Variants in MAMDC2 observed in about 807,000 individuals in gnomAD.
The protein encoded by MAMDC2 is MAM domain-containing protein 2.
MAMDC2 carries 57 observed loss-of-function variants against 89.8 expected under a neutral mutation model. The ratio of observed to expected loss-of-function variants is 0.63; its 90% CI spans 0.51 to 0.79. The LOEUF (loss-of-function observed/expected upper bound fraction) is 0.79, where lower values mean the gene tolerates loss of function less well. Among genes scored for constraint, MAMDC2 ranks in the 30% least tolerant of loss-of-function variants. MAMDC2 has a pLI of 0.00. For missense variants in MAMDC2, 800 were observed against 820.6 expected, an observed-to-expected ratio of 0.97 and a Z score of 0.31; for synonymous variants, 313 against 293.4, an observed-to-expected ratio of 1.07 and a Z score of -0.68.
intron 11 of MAMDC2, among the ~76,000 whole-genome samples, chr9:70,195,852 TAAGGA>T (rs1434689967): frequency 6.6e-6 from 1 of 152,022 alleles, no homozygotes; most frequent in African/African-American, 2.4e-5. Flanking sequence ...CTCGACTTGA[TAAGGA>T]AAGAAAAAAC....
Position 70,126,266 on chromosome 9 carries a change from T to A in MAMDC2, c.751T>A (p.Tyr251Asn), listed in dbSNP as rs2030541113. Residue 251 changes from tyrosine to asparagine, a missense_variant, in exon 6 of 14, where the codon TAC becomes AAC. Transcript: ENST00000377182. ...CATGGCTGGCTGCCTGTCATTTTAT[T>A]ACCAGATCCAGCAGGGGAATGACAA... Reference protein sequence around the residue: ...APMAGCLSFYYQIQQGNDNVF... With the variant: ...APMAGCLSFYNQIQQGNDNVF... 6.2e-7 allele frequency: 1 copy of A among 1,614,090 alleles called. No homozygotes were observed. The highest frequency in any genetic ancestry group is 8.5e-7 in the Non-Finnish European group (1 of 1,180,042).
intron 2 of MAMDC2, among the ~76,000 whole-genome samples, chr9:70,103,415 G>A (rs529232461): frequency 6.6e-6 from 1 of 152,104 alleles, no homozygotes; most frequent in Admixed American, 6.5e-5. Flanking sequence ...ATCGAATTGA[G>A]AAGTCCAGAA....
At chr9:70,210,616 G>A (rs944628287) in intron 11 of MAMDC2, among the ~76,000 whole-genome samples, 3 of 152,148 alleles carry the variant, frequency 2.0e-5, no homozygotes, top group Non-Finnish European at 4.4e-5. Context: ...TTTAATTGGA[G>A]CATTTAGCCC....
intron 12 of MAMDC2, among the ~76,000 whole-genome samples, chr9:70,221,869 A>T (rs1409160936): frequency 2.0e-5 from 3 of 152,170 alleles, no homozygotes; most frequent in Admixed American, 2.0e-4. Context: ...GTATTGTGAT[A>T]ATCATGAAAA....
intron 9 of MAMDC2, among the ~76,000 whole-genome samples, chr9:70,146,002 C>T (rs575022128): frequency 3.5e-4 from 54 of 152,274 alleles, no homozygotes; most frequent in Admixed American, 3.3e-4. Flanking sequence ...CCAGCTGAGC[C>T]AGTGTTTAGA....
chr9:70,139,007 A>G (rs1246183719), intron 7 of MAMDC2, among the ~76,000 whole-genome samples: 1 of 152,020 alleles, frequency 6.6e-6, no homozygotes, highest in East Asian at 1.9e-4. Flanking sequence ...AGTCCCATAA[A>G]ATCTCTTCCT....
chr9:70,118,091 T>C (rs1290513534), intron 5 of MAMDC2, among the ~76,000 whole-genome samples: 1 of 152,086 alleles, frequency 6.6e-6, no homozygotes. Context: ...TGAGAGTGGA[T>C]GGTTTATTTT....
At chr9:70,082,078 T>C (rs745888050) in intron 2 of MAMDC2, 1 of 152,106 alleles carries the variant, frequency 6.6e-6, no homozygotes, top group Non-Finnish European at 1.5e-5. Flanking sequence ...CTTAGGCCTG[T>C]GGGGCAGGGA....
At position 70,218,408 on chromosome 9, in the gene MAMDC2, C is replaced by T. The variant is rs749095478; in HGVS notation, c.1723C>T (p.Arg575Ter). The change falls in exon 12 of 14, where the codon CGA (arginine) becomes TGA (stop). Residue 575 changes from arginine (R) to a stop codon, truncating the protein, a stop_gained. Coordinates refer to ENST00000377182, the MANE Select transcript of MAMDC2 (RefSeq NM_153267.5). LOFTEE classifies it high-confidence loss of function. ...AGCACGCCTCTTGTCCAGGCCTCTG[C>T]GAGGAGTCTCTGGAAAACACTGCTT... ...QKARLLSRPL[R>*]GVSGKHCLTF... 9.3e-6 allele frequency: 15 copies of T among 1,614,000 alleles called. No homozygotes were observed. Among genetic ancestry groups the T allele is most frequent in the East Asian group, 2.2e-5 (1 of 44,892 alleles).
chr9:70,209,036 T>C (rs2033292256), intron 11 of MAMDC2, among the ~76,000 whole-genome samples: 1 of 152,264 alleles, frequency 6.6e-6, no homozygotes, highest in African/African-American at 2.4e-5. Context: ...GGTTTGCCAG[T>C]ATTTTATTGA....
intron 11 of MAMDC2, among the ~76,000 whole-genome samples, chr9:70,201,791 T>G (rs936978985): frequency 1.4e-5 from 2 of 147,098 alleles, no homozygotes; most frequent in Non-Finnish European, 3.0e-5. Flanking sequence ...GGAGAGTGCA[T>G]GTGTCGAGGA....
At chr9:70,225,520 A>C (rs145264291) in intron 12 of MAMDC2, among the ~76,000 whole-genome samples, 1 of 152,224 alleles carries the variant, frequency 6.6e-6, no homozygotes, top group East Asian at 1.9e-4. Context: ...GAGATCTCAG[A>C]AGACAGGGAC....
intron 9 of MAMDC2, among the ~76,000 whole-genome samples, chr9:70,158,713 A>G (rs1035142074): frequency 6.6e-6 from 1 of 151,840 alleles, no homozygotes; most frequent in Non-Finnish European, 1.5e-5. Flanking sequence ...TGTGTTTGTT[A>G]GGCAATTTTG....
intron 11 of MAMDC2, chr9:70,194,606 T>A (rs1472718922): frequency 6.6e-6 from 1 of 152,142 alleles, no homozygotes; most frequent in Non-Finnish European, 1.5e-5. Flanking sequence ...CTTAGGTATT[T>A]TGCTATAGTA....
rs1000667780 is a variant in MAMDC2, at chr9:70,226,257, A to G, written c.*225A>G. ...GAAATACAGGCTACTGGTTTTGCAT[A>G]GATCATTCATCTTAATTTTGGTACC... On this transcript the variant is annotated 3_prime_UTR_variant, in exon 14 of 14. Coordinates refer to ENST00000377182, the MANE Select transcript of MAMDC2 (RefSeq NM_153267.5). 1.2e-5 allele frequency: 4 copies of G among 323,718 alleles called. No homozygotes were observed. The highest frequency in any genetic ancestry group is 8.6e-5 in the African/African-American group (4 of 46,444). The allele number at this position is 323,718 out of a possible 1,614,324, so 20.1% of individuals were successfully genotyped here.
At position 70,059,676 on chromosome 9, in the gene MAMDC2, G is replaced by T. The variant is rs955209647; in HGVS notation, c.148+14979G>T. Among the ~76,000 whole-genome samples, 9 of 152,154 alleles carry T rather than the reference G, an allele frequency of 5.9e-5. No individual in the cohort carries two copies. The South Asian group carries it at 1.9e-3, about 32-fold the overall frequency. On this transcript the variant is annotated intron_variant, in intron 2 of 13. Transcript: ENST00000377182. ...GAGAAAGCTTCTGCTACAACATTCA[G>T]TTCTTTTTGGCCTCAATCCTTGAAA...
intron 7 of MAMDC2, among the ~76,000 whole-genome samples, chr9:70,138,743 G>A (rs1473737525): frequency 6.6e-6 from 1 of 152,090 alleles, no homozygotes; most frequent in Non-Finnish European, 1.5e-5. Flanking sequence ...GCCATCTGGG[G>A]TGAGGTATTT....
intron 11 of MAMDC2, chr9:70,194,354 G>A (rs1427984822): frequency 6.6e-6 from 1 of 152,094 alleles, no homozygotes; most frequent in African/African-American, 2.4e-5. Flanking sequence ...CCCTTAACAG[G>A]TGATGATTAG....
intron 11 of MAMDC2, among the ~76,000 whole-genome samples, chr9:70,207,806 G>C (rs975469662): frequency 1.3e-5 from 2 of 152,160 alleles, no homozygotes; most frequent in South Asian, 4.1e-4. Flanking sequence ...ATTAATTTTT[G>C]TATAAGGTGT....
Sources: allele counts gnomAD v4.1 joint callset (sites outside exome capture counted in the v4.1 genomes callset), GRCh38; gene constraint gnomAD v4.1.1; transcripts MANE v1.5; gene names NCBI Gene and HGNC (gene_info 2026-07-23, HGNC 2026-07-21).